The following INO80D variants were observed in gnomAD, a reference collection of about 807,000 sequenced individuals.
INO80D encodes the protein INO80 complex subunit D.
In INO80D, 21 loss-of-function variants were observed where a neutral mutation model predicts 87.6. The ratio of observed to expected loss-of-function variants is 0.24; its 90% CI spans 0.17 to 0.35. INO80D has a LOEUF of 0.35. INO80D is among the 10% of genes least tolerant of loss of function. The probability of loss-of-function intolerance (pLI) is 1.00; values close to 1 mark genes in which losing one functional copy is unlikely to be tolerated. For missense variants in INO80D, 982 were observed against 1,280.7 expected (o/e 0.77, Z 3.56); for synonymous variants, 440 against 491.0 (o/e 0.90, Z 1.37).
Position 206,005,505 on chromosome 2 carries a change from G to C in INO80D, c.1947C>G (p.Thr649=). The C allele has an allele frequency of 1.2e-6, 2 of 1,612,850 alleles. No homozygotes were observed. The highest frequency in any genetic ancestry group is 1.3e-5 in the African/African-American group (1 of 75,048). Residue 649 remains threonine (T), a synonymous_variant, in exon 11 of 11, where the codon ACC becomes ACG. Transcript: ENST00000403263. ...CCCGTTCAAGCTCCTCAGCCTCTTC[G>C]GTAGTTGGGAGGAGGTCTCCATTCT... ...EGKNGDLLPT[T]EEAEELERAL...
intron 8 of INO80D, among the ~76,000 whole-genome samples, chr2:206,016,915 G>A (rs184391695): frequency 6.5e-4 from 99 of 152,274 alleles, no homozygotes; most frequent in Non-Finnish European, 1.1e-3. Context: ...ATAGAACTGT[G>A]AGTCCAATTA....
At chr2:206,041,031 T>G (rs1297203012) in intron 5 of INO80D, among the ~76,000 whole-genome samples, 1 of 152,136 alleles carries the variant, frequency 6.6e-6, no homozygotes, top group Non-Finnish European at 1.5e-5. Context: ...CACTTGAAGG[T>G]AGACTGTGGT....
In INO80D at chr2:206,062,881, C is replaced by A; in HGVS notation, c.136G>T (p.Ala46Ser). The change falls in exon 3 of 11, where the codon GCC becomes TCC. Residue 46 changes from alanine (A) to serine (S), a missense_variant. Transcript: ENST00000403263. The surrounding 1 kb of genome is among the most constrained non-coding windows in gnomAD (Gnocchi z 4.6). Reference protein sequence around the residue: ...CIRHVLEDKTAPFKQCEYVAK... With the variant: ...CIRHVLEDKTSPFKQCEYVAK... Reference sequence around the variant, plus strand: ...ACATATTCACATTGCTTGAAGGGGGCAGTCTTGTCCTCCAGAACGTGTCTG... The same window carrying A: ...ACATATTCACATTGCTTGAAGGGGGAAGTCTTGTCCTCCAGAACGTGTCTG... 1 of 1,613,334 alleles carries A rather than the reference C, an allele frequency of 6.2e-7. No individual in the cohort carries two copies. Among genetic ancestry groups the A allele is most frequent in the Non-Finnish European group, 8.5e-7 (1 of 1,179,730 alleles).
chr2:206,049,999 G>A (rs543110419), intron 4 of INO80D, among the ~76,000 whole-genome samples: 3 of 151,990 alleles, frequency 2.0e-5, no homozygotes, highest in Non-Finnish European at 4.4e-5. Flanking sequence ...CAGGCGTGGT[G>A]GTATGCACCT....
At chr2:206,034,136 C>G (rs1348839729) in intron 5 of INO80D, among the ~76,000 whole-genome samples, 3 of 152,072 alleles carry the variant, frequency 2.0e-5, no homozygotes, top group African/African-American at 7.2e-5. Flanking sequence ...AGTCCAGGAT[C>G]AGACTTATTC....
Position 206,034,073 on chromosome 2 carries a change from C to A in INO80D, c.1074-5738G>T, listed in dbSNP as rs367956644. Among the ~76,000 whole-genome samples, 293 of 152,086 alleles carry A rather than the reference C, an allele frequency of 1.9e-3. 8 individuals carry two copies. In the South Asian group the frequency reaches 0.059, roughly 31 times the overall value. On this transcript the variant is annotated intron_variant, in intron 5 of 10. Coordinates refer to ENST00000403263, the MANE Select transcript of INO80D (RefSeq NM_017759.5). ...CAAGAATTAGATAACCTGAACAGAC[C>A]AACAACAAGCAGCATGATTGAAATG...
chr2:206,031,789 C>T (rs145652445), intron 5 of INO80D, among the ~76,000 whole-genome samples: 3 of 152,292 alleles, frequency 2.0e-5, no homozygotes, highest in Admixed American at 6.5e-5. Flanking sequence ...CCAGGAATCC[C>T]GAGAGGACCT....
chr2:206,051,219 C>T (rs112306962), intron 4 of INO80D, among the ~76,000 whole-genome samples: 2,799 of 149,546 alleles, frequency 0.019, 27 homozygotes, highest in Non-Finnish European at 0.029. Flanking sequence ...ATGGATATTT[C>T]TTTTCTTTTC....
chr2:206,003,409 TGA>T lies in INO80D; in HGVS notation c.*957_*958del, dbSNP rs1414153399. The T allele has an allele frequency of 6.6e-6, 1 of 152,216 alleles. No homozygotes were observed. The highest frequency in any genetic ancestry group is 2.4e-5 in the African/African-American group (1 of 41,458). The allele number at this position is 152,216 out of a possible 1,614,324, so 9.4% of individuals were successfully genotyped here. ...AATTACATCTTGCAAATGTATTCCA[TGA>T]GAGAGGGATTTAGAAACAAACAAAT... On this transcript the variant is annotated 3_prime_UTR_variant, in exon 11 of 11. Transcript: ENST00000403263.
chr2:206,007,490 A>G (rs776714671), intron 9 of INO80D, 49 bp from the exon 10 acceptor site: 1 of 1,552,976 alleles, frequency 6.4e-7, no homozygotes, highest in East Asian at 2.3e-5. Flanking sequence ...TTATCTTCAC[A>G]TCAATACCAC....
intron 3 of INO80D, among the ~76,000 whole-genome samples, chr2:206,060,840 G>A (rs952249265): frequency 1.3e-5 from 2 of 152,016 alleles, no homozygotes; most frequent in South Asian, 2.1e-4. Flanking sequence ...GATTACAGGC[G>A]TGAGCCACCG....
Position 206,004,455 on chromosome 2 carries a change from A to G in INO80D, c.2997T>C (p.Ser999=). The G allele has an allele frequency of 6.2e-7, 1 of 1,606,704 alleles. No homozygotes were observed. Among genetic ancestry groups the G allele is most frequent in the South Asian group, 1.1e-5 (1 of 89,500 alleles). ...IPKDLQPSHS[S]IAPPTGFTVT... The stretch of plus-strand genomic sequence containing the variant: ...CTGTGAAGCCTGTAGGAGGGGCTAT[A>G]GAGCTGTGGCTGGGCTGCAGGTCCT... Residue 999 remains serine, a synonymous_variant, in exon 11 of 11, where the codon TCT becomes TCC. Transcript: ENST00000403263. This position sits in a 1 kb window ranked among gnomAD's most constrained non-coding sequence, Gnocchi z 4.9.
At chr2:206,006,739 G>A (rs1688036532) in intron 10 of INO80D, among the ~76,000 whole-genome samples, 2 of 149,392 alleles carry the variant, frequency 1.3e-5, no homozygotes, top group African/African-American at 2.5e-5. Context: ...TAAAGCAAAA[G>A]TATTCACTTT....
At chr2:206,035,667 G>A (rs755567426) in intron 5 of INO80D, among the ~76,000 whole-genome samples, 2 of 152,086 alleles carry the variant, frequency 1.3e-5, no homozygotes, top group Non-Finnish European at 2.9e-5. Flanking sequence ...ATTGGCTTAG[G>A]CAAGGAGTTC....
At position 206,001,236 on chromosome 2, in the gene INO80D, C is replaced by A. The variant is rs887511815; in HGVS notation, c.*3132G>T. The A allele has an allele frequency of 6.6e-6, 1 of 152,166 alleles. No individual in the cohort carries two copies. Among genetic ancestry groups the A allele is most frequent in the Non-Finnish European group, 1.5e-5 (1 of 68,020 alleles). The allele number at this position is 152,166 out of a possible 1,614,324, so 9.4% of individuals were successfully genotyped here. A position where few individuals can be genotyped will look rare whatever the true frequency, so the allele number is the denominator to read the frequency against. ...GTAAAGGAGAAAAAGCCCATCTTTT[C>A]TTCAGATACTACTGATCATAGCCAG... On this transcript the variant is annotated 3_prime_UTR_variant, in exon 11 of 11. Transcript: ENST00000403263.
chr2:206,030,300 T>C (rs997619109), intron 5 of INO80D, among the ~76,000 whole-genome samples: 3 of 152,084 alleles, frequency 2.0e-5, no homozygotes, highest in Non-Finnish European at 4.4e-5. Context: ...CTGTCTCTAC[T>C]AAAAATACAA....
At chr2:206,044,935 AT>A (rs1248844840) in intron 5 of INO80D, among the ~76,000 whole-genome samples, 4 of 152,200 alleles carry the variant, frequency 2.6e-5, no homozygotes, top group Non-Finnish European at 5.9e-5. Context: ...ATTGTGCTGT[AT>A]CTGAAAGAAC....
chr2:206,080,373 T>C (rs983351121), intron 1 of INO80D, among the ~76,000 whole-genome samples: 3 of 152,196 alleles, frequency 2.0e-5, no homozygotes, highest in Non-Finnish European at 4.4e-5. Flanking sequence ...AAACCCACCC[T>C]GTGCTCCTTT....
At chr2:206,061,367 G>A (rs1689686288) in intron 3 of INO80D, among the ~76,000 whole-genome samples, 1 of 152,088 alleles carries the variant, frequency 6.6e-6, no homozygotes, top group Non-Finnish European at 1.5e-5. Flanking sequence ...ATCCAACACT[G>A]ACAACTGTAA....
Sources: allele counts gnomAD v4.1 joint callset (sites outside exome capture counted in the v4.1 genomes callset), GRCh38; gene constraint gnomAD v4.1.1; non-coding constraint Gnocchi (gnomAD v3.1); transcripts MANE v1.5; gene names NCBI Gene and HGNC (gene_info 2026-07-23, HGNC 2026-07-21).